The following ZNF335 variants were observed in gnomAD, a reference collection of about 807,000 sequenced individuals.
ZNF335 encodes zinc finger protein 335, also known as NRC-interacting factor 1.
A neutral mutation model predicts 145.6 loss-of-function variants in ZNF335; 84 were observed. That is an observed-to-expected ratio of 0.58 (90% confidence interval 0.48 to 0.69). ZNF335 has a LOEUF of 0.69. Ranked by LOEUF, ZNF335 falls within the 30% of genes least tolerant of loss-of-function variation. ZNF335 has a pLI of 0.00. For missense variants in ZNF335, 1,865 were observed against 1,809.7 expected, an observed-to-expected ratio of 1.03 and a Z score of -0.55; for synonymous variants, 761 against 717.0, an observed-to-expected ratio of 1.06 and a Z score of -0.98.
rs2083825214 is a variant in ZNF335 at position 45,960,666 on chromosome 20, T to A, written c.1732A>T (p.Thr578Ser). 1 of 1,613,978 alleles carries A rather than the reference T, an allele frequency of 6.2e-7. No homozygotes were observed. The highest frequency in any genetic ancestry group is 1.3e-5 in the African/African-American group (1 of 74,876). ...GRVYPMQKRL[T>S]QHMKTHSTEK... ...GTGCTGTGCGTCTTCATGTGCTGCG[T>A]GAGTCTTTTCTGCATGGGGTACACA... The change falls in exon 12 of 28, where the codon ACG becomes TCG. Residue 578 changes from threonine to serine, a missense_variant. Coordinates refer to ENST00000322927, the MANE Select transcript of ZNF335 (RefSeq NM_022095.4).
At chr20:45,956,045 G>A (rs935318372) in intron 17 of ZNF335, among the ~76,000 whole-genome samples, 5 of 152,038 alleles carry the variant, frequency 3.3e-5, no homozygotes, top group Admixed American at 3.3e-4. Context: ...AAAAGATGAC[G>A]CTGAGGAGCA....
At chr20:45,964,212 T>C in intron 7 of ZNF335, 2 of 486,874 alleles carry the variant, frequency 4.1e-6, no homozygotes, top group Admixed American at 3.9e-5. Context: ...TGGCCTGGAT[T>C]AGAGCAACGG....
chr20:45,953,996 G>A (rs1418029247), intron 17 of ZNF335, 48 bp from the exon 18 acceptor site: 1 of 1,528,710 alleles, frequency 6.5e-7, no homozygotes, highest in Admixed American at 2.0e-5. Context: ...TGGCAGAGGA[G>A]CGGGTATGCA....
At chr20:45,965,506 G>T in intron 7 of ZNF335, 122 bp downstream of exon 7, 1 of 1,213,956 alleles carries the variant, frequency 8.2e-7, no homozygotes, top group Non-Finnish European at 1.1e-6. Context: ...GCCTGCAGGT[G>T]ACCCGGTTTG....
At chr20:45,956,314 C>T (rs979739158) in intron 17 of ZNF335, among the ~76,000 whole-genome samples, 3 of 151,870 alleles carry the variant, frequency 2.0e-5, no homozygotes, top group Non-Finnish European at 2.9e-5. Flanking sequence ...CCGTAACCTC[C>T]GCCTCCTGGG....
At chr20:45,954,036 T>TGCACCCACAC in intron 17 of ZNF335, 88 bp from the exon 18 acceptor site, 1 of 1,451,220 alleles carries the variant, frequency 6.9e-7, no homozygotes, top group Non-Finnish European at 9.2e-7. Flanking sequence ...GTGTCCCAGA[T>TGCACCCACAC]GCACCCACAC....
chr20:45,949,957 G>C lies in ZNF335; in HGVS notation c.3591+9C>G, dbSNP rs756898356. 3.1e-6 allele frequency: 5 copies of C among 1,614,122 alleles called. No homozygotes were observed. In the East Asian group the frequency reaches 6.7e-5, roughly 22 times the overall value. ...CGCTGGCCAGAGGGCCCCCAGTCCTGACTCTTACCTGATTGGTCACTGTCT... is the reference window on the plus strand; with the variant it reads ...CGCTGGCCAGAGGGCCCCCAGTCCTCACTCTTACCTGATTGGTCACTGTCT... On this transcript the variant is annotated intron_variant, in intron 23 of 27. Transcript: ENST00000322927.
At position 45,963,476 on chromosome 20, in the gene ZNF335, G is replaced by A. The variant is rs970467457; in HGVS notation, c.1530C>T (p.Leu510=). 4.3e-6 allele frequency: 7 copies of A among 1,610,812 alleles called. No individual in the cohort carries two copies. The highest frequency in any genetic ancestry group is 1.7e-5 in the Admixed American group (1 of 59,936). ...CAAGCCTCTTTGGCTCCCGCACCTT[G>A]AGCGAGGACCAGCGGCGGGAACGAT... The part of the protein sequence containing the change: ...CSYRSRRWSS[L]KEHMFNHVGS... The change falls in exon 9 of 28, where the codon CTC becomes CTT. Residue 510 remains leucine, a synonymous_variant. Coordinates refer to ENST00000322927, the MANE Select transcript of ZNF335 (RefSeq NM_022095.4).
intron 7 of ZNF335, 166 bp from the exon 8 acceptor site, chr20:45,964,156 G>A: frequency 1.3e-6 from 1 of 792,658 alleles, no homozygotes; most frequent in Non-Finnish European, 1.8e-6. Flanking sequence ...AGGGCAGCAT[G>A]GATACTACCG....
At chr20:45,962,909 G>A (rs1056987458) in intron 9 of ZNF335, among the ~76,000 whole-genome samples, 11 of 150,178 alleles carry the variant, frequency 7.3e-5, no homozygotes, top group South Asian at 4.2e-4. Context: ...TGCCTCCCGG[G>A]TTCAAGCGAT....
rs540106605 is a variant in ZNF335, at chr20:45,971,843, C to T, written c.-51+279G>A. 2.9e-4 allele frequency: 284 copies of T among 985,220 alleles called. 2 individuals are homozygous for T. In the African/African-American group the frequency reaches 4.8e-3, roughly 17 times the overall value. 61.0% of individuals were successfully genotyped at this position (985,220 alleles called of 1,614,324 possible). A position where few individuals can be genotyped will look rare whatever the true frequency, so the allele number is the denominator to read the frequency against. Reference sequence around the variant, plus strand: ...GGCCCCCTGGGTCAGTGGTTCGCTCCCCCCCGGTTCCCCTGCGGAGGCGGC... The same window carrying T: ...GGCCCCCTGGGTCAGTGGTTCGCTCTCCCCCGGTTCCCCTGCGGAGGCGGC... On this transcript the variant is annotated intron_variant, in intron 1 of 27. Transcript: ENST00000322927.
Position 45,971,652 on chromosome 20 carries a change from A to G in ZNF335, c.-50-192T>C, listed in dbSNP as rs571826728. 2.9e-4 allele frequency: 281 copies of G among 985,476 alleles called. 5 individuals are homozygous for G. The South Asian group carries it at 0.011, about 39-fold the overall frequency. 61.0% of individuals were successfully genotyped at this position (985,476 alleles called of 1,614,324 possible). A position where few individuals can be genotyped will look rare whatever the true frequency, so the allele number is the denominator to read the frequency against. On this transcript the variant is annotated intron_variant, in intron 1 of 27. Coordinates refer to ENST00000322927, the MANE Select transcript of ZNF335 (RefSeq NM_022095.4). ...ACGGAGAAGCTGTGCTTCCCAGGCT[A>G]AGGCCCTTCCCGGGAGGGTGGTCAA...
Position 45,960,302 on chromosome 20 carries a change from G to A in ZNF335, c.1926C>T (p.Ser642=), listed in dbSNP as rs779463917. 1.2e-6 allele frequency: 2 copies of A among 1,614,054 alleles called. No individual in the cohort carries two copies. The highest frequency in any genetic ancestry group is 1.3e-5 in the African/African-American group (1 of 74,918). Residue 642 remains serine (S), a synonymous_variant, in exon 14 of 28, where the codon TCC becomes TCT. Transcript: ENST00000322927. The part of the protein sequence containing the change: ...DKKALLNHQL[S]HVSDKPFKCS... ...ATTTGAAGGGCTTGTCACTGACGTGGGACAACTGGTGGTTCAGCAGTGCCT... is the reference window on the plus strand; with the variant it reads ...ATTTGAAGGGCTTGTCACTGACGTGAGACAACTGGTGGTTCAGCAGTGCCT...
chr20:45,963,096 A>C (rs577725433), intron 9 of ZNF335, among the ~76,000 whole-genome samples: 1 of 152,124 alleles, frequency 6.6e-6, no homozygotes, highest in Non-Finnish European at 1.5e-5. Flanking sequence ...TACAGGAGCA[A>C]GCCACTGCAC....
intron 20 of ZNF335, 55 bp downstream of exon 20, chr20:45,952,092 A>G (rs1003361411): frequency 2.6e-6 from 4 of 1,533,832 alleles, no homozygotes; most frequent in Non-Finnish European, 3.5e-6. Flanking sequence ...GGTTTGTTAT[A>G]CAAACGAGTA....
At position 45,957,932 on chromosome 20, in the gene ZNF335, TG is replaced by T. The variant is rs775573106; in HGVS notation, c.2254-5del. ...AAGTTGTCGCCTCTGGGGGTATCTA[TG>T]GGGTGGAGATATGGCCACGCCTGAG... On this transcript the variant is annotated splice_polypyrimidine_tract_variant and splice_region_variant and intron_variant, in intron 15 of 27. Coordinates refer to ENST00000322927, the MANE Select transcript of ZNF335 (RefSeq NM_022095.4). 1 of 1,613,938 alleles carries T rather than the reference TG, an allele frequency of 6.2e-7. No homozygotes were observed. Among genetic ancestry groups the T allele is most frequent in the Non-Finnish European group, 8.5e-7 (1 of 1,179,906 alleles).
At position 45,959,362 on chromosome 20, in the gene ZNF335, G is replaced by A. The variant is rs781750860; in HGVS notation, c.2092C>T (p.Arg698Trp). Residue 698 changes from arginine to tryptophan, a missense_variant, in exon 15 of 28, where the codon CGG (arginine) becomes TGG (tryptophan). By Grantham distance (101) the Arg-to-Trp change is moderately radical (BLOSUM62 -3). Transcript: ENST00000322927. ...TCGAAGCTGCTTGCGTGTCGGCACCGTACGTGCAGGCGCAGGTTCTTCTTG... is the reference window on the plus strand; with the variant it reads ...TCGAAGCTGCTTGCGTGTCGGCACCATACGTGCAGGCGCAGGTTCTTCTTG... ...RHKKNLRLHV[R>W]CRHASSFEEW... 12 of 1,581,572 alleles carry A rather than the reference G, an allele frequency of 7.6e-6. No homozygotes were observed. Among genetic ancestry groups the A allele is most frequent in the South Asian group, 3.4e-5 (3 of 87,926 alleles).
intron 2 of ZNF335, 125 bp from the exon 3 acceptor site, chr20:45,969,816 G>T: frequency 7.5e-7 from 1 of 1,333,792 alleles, no homozygotes; most frequent in Non-Finnish European, 1.0e-6. Flanking sequence ...AGCCACTCAT[G>T]CCCTCAGCCC....
At chr20:45,968,428 T>C (rs756431575) in intron 3 of ZNF335, 66 bp from the exon 4 acceptor site, 23 of 1,489,478 alleles carry the variant, frequency 1.5e-5, no homozygotes, top group Non-Finnish European at 2.1e-5. Flanking sequence ...CCCACCCCCA[T>C]GGGCCCCACT....
Sources: gnomAD v4.1 joint callset for allele counts (sites outside exome capture counted in the v4.1 genomes callset) on GRCh38, gnomAD v4.1.1 for gene constraint, MANE v1.5 for transcripts, NCBI Gene and HGNC (gene_info 2026-07-23, HGNC 2026-07-21) for gene names.